LMBR1: variants seen among roughly 807,000 people sequenced by gnomAD.
The protein encoded by LMBR1 is limb region 1 protein homolog.
A neutral mutation model predicts 73.9 loss-of-function variants in LMBR1; 52 were observed. The ratio of observed to expected loss-of-function variants is 0.70; its 90% CI spans 0.56 to 0.89. The LOEUF (loss-of-function observed/expected upper bound fraction) is 0.89. Ranked by LOEUF, LMBR1 falls within the 40% of genes least tolerant of loss-of-function variation. The pLI, the probability that LMBR1 is intolerant of heterozygous loss-of-function variation, is 0.00. For synonymous variants in LMBR1, 215 were observed against 209.4 expected, an observed-to-expected ratio of 1.03 and a Z score of -0.23; for missense variants, 539 against 579.8, an observed-to-expected ratio of 0.93 and a Z score of 0.72.
intron 1 of LMBR1, among the ~76,000 whole-genome samples, chr7:156,890,344 AATT>A (rs59822223): frequency 0.26 from 40,166 of 151,976 alleles, 5,593 homozygotes; most frequent in East Asian, 0.42. Flanking sequence ...ACTATATTAA[AATT>A]AATAATTTCT....
At chr7:156,799,357 T>C (rs1830563028) in intron 4 of LMBR1, among the ~76,000 whole-genome samples, 2 of 152,208 alleles carry the variant, frequency 1.3e-5, no homozygotes, top group African/African-American at 4.8e-5. Context: ...GCTCACTTCA[T>C]TTCTCCATGT....
In LMBR1 at chr7:156,727,986, C is replaced by A. The variant is rs1414253516; in HGVS notation, c.937G>T (p.Ala313Ser). ...IETSISVLLV[A>S]CNILCLLVDE... ...ACCAATAGGCAAAGAATATTACAAG[C>A]CACCAAGAGGACCGAGATGGACTAC... Residue 313 changes from alanine to serine, a missense_variant, in exon 12 of 17, where the codon GCT becomes TCT. This residue lies in a region of LMBR1 where 454 missense variants were observed against 473.4 expected (regional missense o/e 0.96). Transcript: ENST00000353442. The A allele has an allele frequency of 1.9e-6, 3 of 1,613,174 alleles. No homozygotes were observed. Among genetic ancestry groups the A allele is most frequent in the Non-Finnish European group, 2.5e-6 (3 of 1,179,620 alleles).
Position 156,724,139 on chromosome 7 carries a change from C to T in LMBR1, c.1198G>A (p.Ala400Thr), listed in dbSNP as rs779158841. Reference protein sequence around the residue: ...NCVSILVLSSALPVMSRTLGI... With the variant: ...NCVSILVLSSTLPVMSRTLGI... ...AGTGTTCTCGACATCACAGGCAGAG[C>T]AGAGCTCAAAACCAAGATGGACACA... Residue 400 changes from alanine to threonine, a missense_variant, in exon 15 of 17, where the codon GCT becomes ACT. Ala to Thr is a moderately conservative substitution (Grantham distance 58). Around this residue, in one of 3 missense-constraint regions of LMBR1, gnomAD observed 16 missense variants for 37.9 expected, o/e 0.42. Coordinates refer to ENST00000353442, the MANE Select transcript of LMBR1 (RefSeq NM_022458.4). 6.2e-7 allele frequency: 1 copy of T among 1,610,770 alleles called. No individual in the cohort carries two copies. Among genetic ancestry groups the T allele is most frequent in the East Asian group, 2.2e-5 (1 of 44,664 alleles).
At position 156,801,517 on chromosome 7, in the gene LMBR1, T is replaced by C. The variant is rs566058628; in HGVS notation, c.320-5025A>G. Among the ~76,000 whole-genome samples the C allele has an allele frequency of 1.9e-4, 29 of 152,322 alleles. No individual in the cohort carries two copies. In the South Asian group the frequency reaches 2.3e-3, roughly 12 times the overall value. On this transcript the variant is annotated intron_variant, in intron 4 of 16. Coordinates refer to ENST00000353442, the MANE Select transcript of LMBR1 (RefSeq NM_022458.4). ...CTGCAGTATCTCCAAGGTATGCCTG[T>C]CACTGTTAGGTATGTAACATAGTAG...
chr7:156,693,631 G>A (rs1032939994), intron 15 of LMBR1, among the ~76,000 whole-genome samples: 1 of 152,108 alleles, frequency 6.6e-6, no homozygotes, highest in African/African-American at 2.4e-5. Context: ...TAAACAAGAA[G>A]ATTGAATCAC....
chr7:156,847,462 C>T (rs918229616), intron 1 of LMBR1, among the ~76,000 whole-genome samples: 1 of 152,180 alleles, frequency 6.6e-6, no homozygotes, highest in Non-Finnish European at 1.5e-5. Flanking sequence ...AAACTTAAAA[C>T]TTGTGCTCTG....
chr7:156,844,214 C>G (rs1839212314), intron 1 of LMBR1, among the ~76,000 whole-genome samples: 1 of 151,942 alleles, frequency 6.6e-6, no homozygotes, highest in Non-Finnish European at 1.5e-5. Context: ...ATACTAGCTA[C>G]TCAGGAGGGT....
intron 1 of LMBR1, among the ~76,000 whole-genome samples, chr7:156,848,745 T>C (rs1795842572): frequency 6.6e-6 from 1 of 151,776 alleles, no homozygotes; most frequent in South Asian, 2.1e-4. Flanking sequence ...CAACCTGGGA[T>C]CATGGTGAAA....
chr7:156,785,475 TG>T (rs1437047630), intron 5 of LMBR1, among the ~76,000 whole-genome samples: 1 of 152,156 alleles, frequency 6.6e-6, no homozygotes, highest in African/African-American at 2.4e-5. Flanking sequence ...CTAAGAATCC[TG>T]ACATACGGAT....
chr7:156,869,896 A>G (rs1035338974), intron 1 of LMBR1, among the ~76,000 whole-genome samples: 1 of 152,232 alleles, frequency 6.6e-6, no homozygotes, highest in East Asian at 1.9e-4. Flanking sequence ...GACATTCATC[A>G]TTTCTCATTA....
chr7:156,770,743 A>G (rs907510959), intron 5 of LMBR1, among the ~76,000 whole-genome samples: 3 of 151,970 alleles, frequency 2.0e-5, no homozygotes, highest in African/African-American at 7.3e-5. Context: ...GCAAGACCTT[A>G]TCTCTAACAA....
At chr7:156,811,445 A>C (rs201050869) in intron 4 of LMBR1, among the ~76,000 whole-genome samples, 1 of 151,816 alleles carries the variant, frequency 6.6e-6, no homozygotes, top group East Asian at 2.0e-4. Flanking sequence ...CCCCGTCTCT[A>C]CTAAAAATAC....
intron 1 of LMBR1, among the ~76,000 whole-genome samples, chr7:156,882,751 G>A (rs1801288519): frequency 6.6e-6 from 1 of 152,210 alleles, no homozygotes; most frequent in African/African-American, 2.4e-5. Context: ...CTTTAAGAGG[G>A]GCTGGGCGCA....
chr7:156,763,662 T>C lies in LMBR1; in HGVS notation c.550+7A>G. The C allele has an allele frequency of 1.3e-6, 2 of 1,575,240 alleles. No individual in the cohort carries two copies. Among genetic ancestry groups the C allele is most frequent in the Non-Finnish European group, 1.7e-6 (2 of 1,168,604 alleles). ...AAGGAAACTGGTTAAAACAAGGAAATCCATACCATATAAAGATTCCATGCT... is the reference window on the plus strand; with the variant it reads ...AAGGAAACTGGTTAAAACAAGGAAACCCATACCATATAAAGATTCCATGCT... On this transcript the variant is annotated splice_region_variant and intron_variant, in intron 6 of 16. Transcript: ENST00000353442.
intron 1 of LMBR1, chr7:156,872,162 G>A (rs2134328239): frequency 6.6e-6 from 1 of 152,114 alleles, no homozygotes; most frequent in South Asian, 2.1e-4. Context: ...CTGATACCCT[G>A]CCATGATGAC....
chr7:156,834,921 C>G (rs1035378115), intron 2 of LMBR1, among the ~76,000 whole-genome samples: 1 of 151,730 alleles, frequency 6.6e-6, no homozygotes, highest in Non-Finnish European at 1.5e-5. Flanking sequence ...GCAGGCGGAT[C>G]ACAAGGTAAA....
chr7:156,865,486 T>C (rs11983761), intron 1 of LMBR1, among the ~76,000 whole-genome samples: 2,539 of 152,290 alleles, frequency 0.017, 64 homozygotes, highest in African/African-American at 0.057. Flanking sequence ...AATTTAATAT[T>C]GATGGGATAA....
chr7:156,819,284 T>G (rs2133728427), intron 4 of LMBR1, among the ~76,000 whole-genome samples: 1 of 152,294 alleles, frequency 6.6e-6, no homozygotes, highest in East Asian at 1.9e-4. Flanking sequence ...TAAGCCAAAC[T>G]AAATATATTT....
intron 5 of LMBR1, among the ~76,000 whole-genome samples, chr7:156,781,122 C>T (rs1017681735): frequency 6.6e-6 from 1 of 152,196 alleles, no homozygotes; most frequent in Middle Eastern, 3.4e-3. Context: ...CAAACTCCAA[C>T]AAAGATACAA....
Sources: allele counts gnomAD v4.1 joint callset (sites outside exome capture counted in the v4.1 genomes callset), GRCh38; gene constraint gnomAD v4.1.1; regional missense constraint gnomAD v4.1.1; transcripts MANE v1.5; gene names NCBI Gene and HGNC (gene_info 2026-07-23, HGNC 2026-07-21).